ITGB3: variants seen among roughly 807,000 people sequenced by gnomAD.
The protein encoded by ITGB3 is integrin beta-3.
Under a neutral mutation model 85.8 loss-of-function variants are expected in ITGB3, and 48 were observed. The ratio of observed to expected loss-of-function variants is 0.56; its 90% confidence interval spans 0.44 to 0.71. The LOEUF is 0.71. Ranked by LOEUF, ITGB3 falls within the 30% of genes least tolerant of loss-of-function variation. The pLI is 0.00. For missense variants in ITGB3, 861 were observed against 1,019.1 expected (o/e 0.84, Z 2.11); for synonymous variants, 363 against 395.6 (o/e 0.92, Z 0.98).
At chr17:47,256,820 G>A (rs1428742861) in intron 1 of ITGB3, among the ~76,000 whole-genome samples, 2 of 152,178 alleles carry the variant, frequency 1.3e-5, no homozygotes, top group Non-Finnish European at 2.9e-5. Flanking sequence ...TCTAAGCTGA[G>A]GTGCTTATTT....
chr17:47,259,670 C>A (rs1278708865), intron 1 of ITGB3, among the ~76,000 whole-genome samples: 1 of 152,116 alleles, frequency 6.6e-6, no homozygotes, highest in Admixed American at 6.5e-5. Flanking sequence ...GAGGCCGAGG[C>A]GGGCGGATCA....
chr17:47,283,961 C>T (rs2065093568), intron 3 of ITGB3, among the ~76,000 whole-genome samples: 4 of 152,122 alleles, frequency 2.6e-5, no homozygotes, highest in Admixed American at 2.6e-4. Context: ...GGAATGGGGG[C>T]AGACACAATA....
At chr17:47,298,684 G>A (rs867645803) in intron 10 of ITGB3, among the ~76,000 whole-genome samples, 4 of 152,186 alleles carry the variant, frequency 2.6e-5, no homozygotes, top group East Asian at 1.9e-4. Flanking sequence ...TTAGTGGGAC[G>A]GGACCAGCTC....
intron 12 of ITGB3, among the ~76,000 whole-genome samples, chr17:47,301,688 C>G (rs2065167877): frequency 6.6e-6 from 1 of 151,944 alleles, no homozygotes; most frequent in South Asian, 2.1e-4. Context: ...AAAATAAATG[C>G]TTATTTATAG....
chr17:47,278,910 A>G lies in ITGB3; in HGVS notation c.165+4406A>G, dbSNP rs188871571. Reference sequence around the variant, plus strand: ...CATCCCCACCTCCCTGTCCATGGAAAAATTGTCTTCCCTGAAACCAGTCCC... The same window carrying G: ...CATCCCCACCTCCCTGTCCATGGAAGAATTGTCTTCCCTGAAACCAGTCCC... On this transcript the variant is annotated intron_variant, in intron 2 of 14. Coordinates refer to ENST00000559488, the MANE Select transcript of ITGB3 (RefSeq NM_000212.3). Among the ~76,000 whole-genome samples, 109 of 152,332 alleles carry G rather than the reference A, an allele frequency of 7.2e-4. 1 individual carries two copies. The Middle Eastern group carries it at 0.014, about 19-fold the overall frequency.
At chr17:47,291,530 C>T (rs1034538163) in intron 9 of ITGB3, 6 of 294,540 alleles carry the variant, frequency 2.0e-5, no homozygotes, top group South Asian at 1.5e-4. Flanking sequence ...GTTTCTCCTC[C>T]GCTTCTGCCT....
intron 1 of ITGB3, among the ~76,000 whole-genome samples, chr17:47,270,784 G>A (rs1452812256): frequency 6.6e-6 from 1 of 152,218 alleles, no homozygotes; most frequent in Admixed American, 6.5e-5. Flanking sequence ...AAGTTAGATG[G>A]ACTCAAGGCT....
Position 47,290,914 on chromosome 17 carries a change from C to A in ITGB3, c.1126-40C>A, listed in dbSNP as rs778309927. 4.3e-6 allele frequency: 7 copies of A among 1,612,892 alleles called. No individual in the cohort carries two copies. The Admixed American group carries it at 5.0e-5, about 12-fold the overall frequency. On this transcript the variant is annotated intron_variant, in intron 8 of 14. Coordinates refer to ENST00000559488, the MANE Select transcript of ITGB3 (RefSeq NM_000212.3). ...GCTCTTGCCATTTCCCGTTTCCTTT[C>A]AGTTCAATTTCTTGTCTTCTTGTGC...
intron 10 of ITGB3, among the ~76,000 whole-genome samples, chr17:47,294,844 G>A (rs1171627631): frequency 6.6e-6 from 1 of 152,208 alleles, no homozygotes; most frequent in Non-Finnish European, 1.5e-5. Flanking sequence ...ATAAGCAGGG[G>A]CTCAGGAGGC....
intron 3 of ITGB3, among the ~76,000 whole-genome samples, chr17:47,283,899 T>C (rs992553384): frequency 3.9e-5 from 6 of 152,132 alleles, no homozygotes; most frequent in African/African-American, 7.2e-5. Flanking sequence ...AAATGAGATA[T>C]AGAACAAGAA....
In ITGB3 at chr17:47,286,200, A is replaced by G. The variant is rs1232636015; in HGVS notation, c.615-60A>G. 25 of 1,594,752 alleles carry G rather than the reference A, an allele frequency of 1.6e-5. No individual in the cohort carries two copies. The highest frequency in any genetic ancestry group is 1.9e-5 in the Non-Finnish European group (22 of 1,163,544). ...TATTTGTCCCCTCTCTTTCCTCCCA[A>G]TTCCCATGCTGCCTTTTCCATGAAG... On this transcript the variant is annotated intron_variant, in intron 4 of 14. Coordinates refer to ENST00000559488, the MANE Select transcript of ITGB3 (RefSeq NM_000212.3).
intron 5 of ITGB3, among the ~76,000 whole-genome samples, 192 bp downstream of exon 5, chr17:47,286,614 T>A (rs1025580420): frequency 6.6e-6 from 1 of 152,210 alleles, no homozygotes; most frequent in Non-Finnish European, 1.5e-5. Flanking sequence ...GAGCTGACAT[T>A]TCTTTGAACC....
chr17:47,267,240 G>C (rs2065028918), intron 1 of ITGB3, among the ~76,000 whole-genome samples: 1 of 152,176 alleles, frequency 6.6e-6, no homozygotes, highest in African/African-American at 2.4e-5. Flanking sequence ...CTTGTCCCTG[G>C]TTCTGGCTAA....
In ITGB3 at chr17:47,312,897, A is replaced by G. The variant is rs1030843134; in HGVS notation, c.*2693A>G. On this transcript the variant is annotated 3_prime_UTR_variant, in exon 15 of 15. Coordinates refer to ENST00000559488, the MANE Select transcript of ITGB3 (RefSeq NM_000212.3). ...TCTCAGGATCTGTGGACAATAACGG[A>G]AAACTTTGAATATTCCTGACAAGTT... Among the ~76,000 whole-genome samples the G allele has an allele frequency of 1.3e-5, 2 of 152,046 alleles. No individual in the cohort carries two copies. Among genetic ancestry groups the G allele is most frequent in the Admixed American group, 1.3e-4 (2 of 15,282 alleles).
At chr17:47,279,987 C>T (rs1335112624) in intron 2 of ITGB3, 3 of 152,270 alleles carry the variant, frequency 2.0e-5, no homozygotes, top group Admixed American at 6.5e-5. Context: ...CCCAAGTTCT[C>T]CCCAGGTCAT....
chr17:47,290,993 C>T lies in ITGB3; in HGVS notation c.1165C>T (p.Pro389Ser). ...SKVELEVRDL[P>S]EELSLSFNAT... is the part of the protein sequence containing the mutation. ...AGTAGAGCTGGAAGTGCGTGACCTC[C>T]CTGAAGAGTTGTCTCTATCCTTCAA... The change falls in exon 9 of 15, where the codon CCT becomes TCT. Residue 389 changes from proline (P) to serine (S), a missense_variant. Transcript: ENST00000559488. The T allele has an allele frequency of 6.2e-7, 1 of 1,614,078 alleles. No homozygotes were observed. The highest frequency in any genetic ancestry group is 8.5e-7 in the Non-Finnish European group (1 of 1,179,970).
In ITGB3 at chr17:47,286,395, T is replaced by TGTA. The variant is rs1165452651; in HGVS notation, c.751_752insTAG (p.Asp250_Ala251insVal). 6.2e-7 allele frequency: 1 copy of TGTA among 1,614,188 alleles called. No homozygotes were observed. Among genetic ancestry groups the TGTA allele is most frequent in the Non-Finnish European group, 8.5e-7 (1 of 1,180,026 alleles). On this transcript the variant is annotated inframe_insertion, in exon 5 of 15. Coordinates refer to ENST00000559488, the MANE Select transcript of ITGB3 (RefSeq NM_000212.3). ...GAGATGCCCCAGAGGGTGGCTTTGA[T>TGTA]GCCATCATGCAGGCTACAGTCTGTG...
In ITGB3 at chr17:47,271,533, G is replaced by A. The variant is rs577877698; in HGVS notation, c.80-2886G>A. ...TGAAAATTGGTTAATATTCTGCAAG[G>A]CAATGAACCTTAACCTGTGGGGGAT... On this transcript the variant is annotated intron_variant, in intron 1 of 14. Coordinates refer to ENST00000559488, the MANE Select transcript of ITGB3 (RefSeq NM_000212.3). 2.6e-5 allele frequency among the ~76,000 whole-genome samples: 4 copies of A among 152,286 alleles called. No homozygotes were observed. In the East Asian group the frequency reaches 7.7e-4, roughly 29 times the overall value.
chr17:47,286,189 C>G, intron 4 of ITGB3, 71 bp from the exon 5 acceptor site: 1 of 1,567,964 alleles, frequency 6.4e-7, no homozygotes, highest in Non-Finnish European at 8.8e-7. Context: ...TGTCCCCTCT[C>G]TTTCCTCCCA....
Sources: gnomAD v4.1 joint callset for allele counts (sites outside exome capture counted in the v4.1 genomes callset) on GRCh38, gnomAD v4.1.1 for gene constraint, MANE v1.5 for transcripts, NCBI Gene and HGNC (gene_info 2026-07-23, HGNC 2026-07-21) for gene names.